SUSD3: variants seen among roughly 807,000 people sequenced by gnomAD.
SUSD3 encodes the protein sushi domain containing 3, also known as sushi domain-containing protein 3.
A neutral mutation model predicts 20.6 loss-of-function variants in SUSD3; 18 were observed. The ratio of observed to expected loss-of-function variants is 0.87; its 90% confidence interval spans 0.60 to 1.30. SUSD3 has a LOEUF of 1.30. SUSD3 is among the 50% of genes most tolerant of loss of function. The pLI is 0.00. For synonymous variants in SUSD3, 137 were observed against 141.5 expected, an observed-to-expected ratio of 0.97 and a Z score of 0.23; for missense variants, 306 against 346.9, an observed-to-expected ratio of 0.88 and a Z score of 0.94.
chr9:93,070,505 C>T (rs1381753328), intron 1 of SUSD3, among the ~76,000 whole-genome samples: 2 of 152,232 alleles, frequency 1.3e-5, no homozygotes, highest in East Asian at 3.8e-4. Context: ...CAGGTGCCTG[C>T]GGTTGACCCT....
chr9:93,061,668 A>G (rs1000893014), intron 1 of SUSD3, among the ~76,000 whole-genome samples: 2 of 152,260 alleles, frequency 1.3e-5, no homozygotes, highest in Admixed American at 1.3e-4. Context: ...ACCCACATGT[A>G]GTGTTGGGGC....
chr9:93,062,858 T>C (rs1825562081), intron 1 of SUSD3, among the ~76,000 whole-genome samples: 1 of 152,136 alleles, frequency 6.6e-6, no homozygotes, highest in South Asian at 2.1e-4. Flanking sequence ...AGGTAGAGAC[T>C]TTGTAGACCA....
In SUSD3 at chr9:93,075,914, C is replaced by T; in HGVS notation, c.219C>T (p.Leu73=). The change falls in exon 2 of 5, where the codon CTC becomes CTT. Residue 73 remains leucine (L), a synonymous_variant. Transcript: ENST00000375472. ...ACCAGATGGTGGGGTCTGGGCTCCTCACCTGCACCTGGAAGGGGAGCATCG... is the reference window on the plus strand; with the variant it reads ...ACCAGATGGTGGGGTCTGGGCTCCTTACCTGCACCTGGAAGGGGAGCATCG... ...SNHQMVGSGL[L]TCTWKGSIAE... The T allele has an allele frequency of 1.9e-6, 3 of 1,613,698 alleles. No homozygotes were observed. The highest frequency in any genetic ancestry group is 1.7e-4 in the Middle Eastern group (1 of 6,056).
At chr9:93,073,416 A>T (rs987736366) in intron 1 of SUSD3, among the ~76,000 whole-genome samples, 2 of 151,528 alleles carry the variant, frequency 1.3e-5, no homozygotes, top group Non-Finnish European at 2.9e-5. Flanking sequence ...CTGGCTAATT[A>T]TTTTTCTATT....
chr9:93,062,007 C>T (rs540888409), intron 1 of SUSD3, among the ~76,000 whole-genome samples: 4 of 152,334 alleles, frequency 2.6e-5, no homozygotes, highest in East Asian at 3.9e-4. Context: ...ATGGAGGGGC[C>T]GACCTGAGGT....
At chr9:93,078,554 GC>G (rs1356779201) in intron 3 of SUSD3, among the ~76,000 whole-genome samples, 1 of 151,994 alleles carries the variant, frequency 6.6e-6, no homozygotes, top group Admixed American at 6.6e-5. Context: ...GAGCCACCGC[GC>G]CCGGCCCGTT....
intron 1 of SUSD3, among the ~76,000 whole-genome samples, chr9:93,063,730 C>G (rs1825595508): frequency 6.6e-6 from 1 of 152,118 alleles, no homozygotes. Flanking sequence ...GTTACTTCCC[C>G]CAGACCCTCT....
rs532764191 is a variant in SUSD3, at chr9:93,069,405, G to A, written c.89-6379G>A. ...GAAAGTGAAAACAAGGATAAGGACG[G>A]ACTACCATAATATGTTGCCATCGTA... On this transcript the variant is annotated intron_variant, in intron 1 of 4. Coordinates refer to ENST00000375472, the MANE Select transcript of SUSD3 (RefSeq NM_145006.4). 3.9e-5 allele frequency among the ~76,000 whole-genome samples: 6 copies of A among 152,326 alleles called. No individual in the cohort carries two copies. The South Asian group carries it at 1.2e-3, about 32-fold the overall frequency.
At position 93,075,866 on chromosome 9, in the gene SUSD3, C is replaced by T. The variant is rs746959146; in HGVS notation, c.171C>T (p.Leu57=). The change falls in exon 2 of 5, where the codon CTC becomes CTT. Residue 57 remains leucine, a synonymous_variant. Transcript: ENST00000375472. The part of the protein sequence containing the change: ...RGNGASVGTV[L]MFRCPSNHQM... The stretch of plus-strand genomic sequence containing the variant: ...ATGGTGCTTCCGTGGGGACCGTGCT[C>T]ATGTTCCGCTGCCCCTCCAACCACC... 2.5e-6 allele frequency: 4 copies of T among 1,613,946 alleles called. No homozygotes were observed. The highest frequency in any genetic ancestry group is 1.1e-5 in the South Asian group (1 of 91,074).
Position 93,084,899 on chromosome 9 carries a change from C to T in SUSD3, c.*152C>T. ...CCAGGTGTAGGGACCCCTTGAGGGGCCGAGCTGACATCCAAGGCTGAGGAC... is the reference window on the plus strand; with the variant it reads ...CCAGGTGTAGGGACCCCTTGAGGGGTCGAGCTGACATCCAAGGCTGAGGAC... On this transcript the variant is annotated 3_prime_UTR_variant, in exon 5 of 5. Transcript: ENST00000375472. The T allele has an allele frequency of 1.5e-6, 1 of 660,114 alleles. No individual in the cohort carries two copies. The highest frequency in any genetic ancestry group is 2.3e-6 in the Non-Finnish European group (1 of 428,978). The allele number at this position is 660,114 out of a possible 1,614,324, so 40.9% of individuals were successfully genotyped here. A position where few individuals can be genotyped will look rare whatever the true frequency, so the allele number is the denominator to read the frequency against.
chr9:93,070,547 G>A (rs1249068113), intron 1 of SUSD3, among the ~76,000 whole-genome samples: 1 of 152,248 alleles, frequency 6.6e-6, no homozygotes, highest in East Asian at 1.9e-4. Context: ...TGTGACCTCA[G>A]TGTCCCTGAG....
chr9:93,084,947 C>T lies in SUSD3; in HGVS notation c.*200C>T, dbSNP rs1002441348. The T allele has an allele frequency of 8.4e-5, 39 of 464,370 alleles. No individual in the cohort carries two copies. Among genetic ancestry groups the T allele is most frequent in the Middle Eastern group, 5.4e-4 (1 of 1,856 alleles). The allele number at this position is 464,370 out of a possible 1,614,324, so 28.8% of individuals were successfully genotyped here. A position where few individuals can be genotyped will look rare whatever the true frequency, so the allele number is the denominator to read the frequency against. The stretch of plus-strand genomic sequence containing the variant: ...GACCCCAGTGGGGAGTGTTCTGTTC[C>T]GGCATATCCTGGCCGTAACGATTTT... On this transcript the variant is annotated 3_prime_UTR_variant, in exon 5 of 5. Transcript: ENST00000375472.
At chr9:93,077,814 C>T (rs369983778) in intron 2 of SUSD3, 32 bp from the exon 3 acceptor site, 24 of 1,612,950 alleles carry the variant, frequency 1.5e-5, no homozygotes, top group Admixed American at 6.7e-5. Flanking sequence ...GGGCAAACCT[C>T]GCCCAGGAGC....
At chr9:93,058,853 C>T (rs1825385895) in intron 1 of SUSD3, 23 bp downstream of exon 1, 1 of 1,240,926 alleles carries the variant, frequency 8.1e-7, no homozygotes. Flanking sequence ...GCCGAGTGGC[C>T]GCGTGCGGGG....
In SUSD3 at chr9:93,085,006, G is replaced by A. The variant is rs1826597409; in HGVS notation, c.*259G>A. 2.7e-6 allele frequency: 1 copy of A among 366,542 alleles called. No individual in the cohort carries two copies. Among genetic ancestry groups the A allele is most frequent in the Non-Finnish European group, 4.9e-6 (1 of 205,420 alleles). The allele number at this position is 366,542 out of a possible 1,614,324, so 22.7% of individuals were successfully genotyped here. A position where few individuals can be genotyped will look rare whatever the true frequency, so the allele number is the denominator to read the frequency against. On this transcript the variant is annotated 3_prime_UTR_variant, in exon 5 of 5. Coordinates refer to ENST00000375472, the MANE Select transcript of SUSD3 (RefSeq NM_145006.4). The surrounding 1 kb of genome is among the most constrained non-coding windows in gnomAD (Gnocchi z 4.3). Reference sequence around the variant, plus strand: ...TGGACTACTTGAAACCACTACTGAGGGTAATTTACTAGCTGTGGCCTCCCA... The same window carrying A: ...TGGACTACTTGAAACCACTACTGAGAGTAATTTACTAGCTGTGGCCTCCCA...
intron 1 of SUSD3, among the ~76,000 whole-genome samples, chr9:93,067,137 G>T (rs748620944): frequency 3.3e-5 from 5 of 152,164 alleles, no homozygotes; most frequent in African/African-American, 7.2e-5. Flanking sequence ...CTCTGGATTT[G>T]CCTGTTCTGG....
Position 93,075,769 on chromosome 9 carries a change from T to A in SUSD3, c.89-15T>A. ...CCCCCCCCCCGCCATGCCTCATACC[T>A]GCCTGTCTCCCCAGGCACGTGCGCT... On this transcript the variant is annotated splice_polypyrimidine_tract_variant and intron_variant, in intron 1 of 4. Coordinates refer to ENST00000375472, the MANE Select transcript of SUSD3 (RefSeq NM_145006.4). The A allele has an allele frequency of 1.4e-6, 1 of 728,666 alleles. No homozygotes were observed. The allele number at this position is 728,666 out of a possible 1,614,324, so 45.1% of individuals were successfully genotyped here. A position where few individuals can be genotyped will look rare whatever the true frequency, so the allele number is the denominator to read the frequency against.
chr9:93,084,814 C>A lies in SUSD3; in HGVS notation c.*67C>A. ...CAGGCTGACCCCACCAGCCAGTCAG[C>A]TACAACTCCACATCAACTCCACATG... On this transcript the variant is annotated 3_prime_UTR_variant, in exon 5 of 5. Transcript: ENST00000375472. 7.4e-7 allele frequency: 1 copy of A among 1,356,540 alleles called. No homozygotes were observed. The allele number at this position is 1,356,540 out of a possible 1,614,324, so 84.0% of individuals were successfully genotyped here.
intron 1 of SUSD3, 35 bp from the exon 2 acceptor site, chr9:93,075,749 C>CCCCCCCCCCCCCCCCCCCA: frequency 9.3e-6 from 2 of 215,698 alleles, no homozygotes; most frequent in South Asian, 4.7e-5. Context: ...CACCCCCCCC[C>CCCCCCCCCCCCCCCCCCCA]CCCCGCCATG....
Sources: gnomAD v4.1 joint callset for allele counts (sites outside exome capture counted in the v4.1 genomes callset) on GRCh38, gnomAD v4.1.1 for gene constraint, Gnocchi (gnomAD v3.1) non-coding constraint, MANE v1.5 for transcripts, NCBI Gene and HGNC (gene_info 2026-07-23, HGNC 2026-07-21) for gene names.